The following RPS6KA5 variants were observed in gnomAD, a reference collection of about 807,000 sequenced individuals.
RPS6KA5 encodes the protein ribosomal protein S6 kinase alpha-5.
In RPS6KA5, 27 loss-of-function variants were observed where a neutral mutation model predicts 85.5. That is an observed-to-expected ratio of 0.32 (90% CI 0.23 to 0.44). The LOEUF is 0.44. RPS6KA5 is among the 20% of genes least tolerant of loss of function. The pLI, the probability that RPS6KA5 is intolerant of heterozygous loss-of-function variation, is 1.00. For missense variants in RPS6KA5, 811 were observed against 980.9 expected (o/e 0.83, Z 2.31); for synonymous variants, 334 against 348.2 (o/e 0.96, Z 0.46).
chr14:91,046,988 A>G (rs974611645), intron 1 of RPS6KA5, among the ~76,000 whole-genome samples: 3 of 151,072 alleles, frequency 2.0e-5, no homozygotes, highest in African/African-American at 7.3e-5. Flanking sequence ...TTGAGGCTGT[A>G]GTGAGCTGTG....
intron 2 of RPS6KA5, among the ~76,000 whole-genome samples, 188 bp from the exon 3 acceptor site, chr14:90,978,712 C>A (rs2039668467): frequency 6.6e-6 from 1 of 152,088 alleles, no homozygotes; most frequent in African/African-American, 2.4e-5. Context: ...CTAGGTCTAA[C>A]CCTTAATGTT....
rs575373029 is a variant in RPS6KA5, at chr14:90,871,219, C to A, written c.*855G>T. The A allele has an allele frequency of 2.0e-5, 3 of 152,432 alleles. No individual in the cohort carries two copies. Among genetic ancestry groups the A allele is most frequent in the African/African-American group, 7.2e-5 (3 of 41,384 alleles). The allele number at this position is 152,432 out of a possible 1,614,324, so 9.4% of individuals were successfully genotyped here. A position where few individuals can be genotyped will look rare whatever the true frequency, so the allele number is the denominator to read the frequency against. On this transcript the variant is annotated 3_prime_UTR_variant, in exon 17 of 17. Coordinates refer to ENST00000614987, the MANE Select transcript of RPS6KA5 (RefSeq NM_004755.4). The stretch of plus-strand genomic sequence containing the variant: ...ACAAAGTAGAAGAGGAATGTGAGGA[C>A]AAATTTAAAGTAGAAAATGAAAATA...
rs772187708 is a variant in RPS6KA5, at chr14:90,923,151, G to A, written c.664C>T (p.Pro222Ser). 1 of 1,613,048 alleles carries A rather than the reference G, an allele frequency of 6.2e-7. No homozygotes were observed. The highest frequency in any genetic ancestry group is 8.5e-7 in the Non-Finnish European group (1 of 1,179,430). ...GAATCTCCCCCTCTGACAATATCTG[G>A]TGCCATGTATTCAATAGTTCCACAA... is the stretch of plus-strand genomic sequence containing the variant. The part of the protein sequence containing the change: ...SFCGTIEYMA[P>S]DIVRGGDSGH... Residue 222 changes from proline to serine, a missense_variant, in exon 6 of 17, where the codon CCA (proline) becomes TCA (serine). Pro to Ser is a moderately conservative substitution (Grantham distance 74). Around this residue, in one of 3 missense-constraint regions of RPS6KA5, gnomAD observed 650 missense variants for 793.4 expected, o/e 0.82. Transcript: ENST00000614987.
chr14:90,882,670 C>T (rs1335847145), intron 14 of RPS6KA5, among the ~76,000 whole-genome samples: 1 of 152,000 alleles, frequency 6.6e-6, no homozygotes, highest in African/African-American at 2.4e-5. Context: ...TCTTGGTTGA[C>T]AGTTTTTTTT....
At chr14:91,049,046 C>T (rs1336314937) in intron 1 of RPS6KA5, among the ~76,000 whole-genome samples, 1 of 152,146 alleles carries the variant, frequency 6.6e-6, no homozygotes, top group East Asian at 1.9e-4. Flanking sequence ...AGGCTTTTCC[C>T]CGCTACAGAC....
chr14:91,034,624 G>A (rs562856010), intron 1 of RPS6KA5, among the ~76,000 whole-genome samples: 47 of 152,254 alleles, frequency 3.1e-4, no homozygotes, highest in Middle Eastern at 3.4e-3. Flanking sequence ...CAACAAATAA[G>A]GGAATAAAAG....
intron 4 of RPS6KA5, 129 bp from the exon 5 acceptor site, chr14:90,943,314 G>A: frequency 1.7e-6 from 1 of 579,266 alleles, no homozygotes. Flanking sequence ...TCCTGTAATG[G>A]CTCTTGGTGA....
intron 1 of RPS6KA5, among the ~76,000 whole-genome samples, chr14:91,058,916 TAAC>T (rs776387146): frequency 8.5e-5 from 13 of 152,160 alleles, no homozygotes; most frequent in Non-Finnish European, 1.6e-4. Flanking sequence ...TCAGTAGAAA[TAAC>T]AAAAACTGAA....
chr14:91,028,872 CA>C (rs1468091440), intron 1 of RPS6KA5, among the ~76,000 whole-genome samples: 1 of 152,146 alleles, frequency 6.6e-6, no homozygotes, highest in Admixed American at 6.5e-5. Flanking sequence ...ACTTTATATA[CA>C]TAGAGGTATT....
chr14:90,952,661 C>T (rs941503694), intron 3 of RPS6KA5, among the ~76,000 whole-genome samples: 5 of 152,204 alleles, frequency 3.3e-5, no homozygotes, highest in Admixed American at 6.5e-5. Context: ...GCTTGGGGAT[C>T]GGCTAATGAG....
rs1423130226 is a variant in RPS6KA5 at position 90,863,778 on chromosome 14, G to A, written c.*8296C>T. ...GAGGGATATACCATGTCCATGCATT[G>A]GAAAACTCAAAATTGGTAAGATATA... On this transcript the variant is annotated 3_prime_UTR_variant, in exon 17 of 17. Transcript: ENST00000614987. 6.6e-6 allele frequency: 1 copy of A among 152,084 alleles called. No individual in the cohort carries two copies. The highest frequency in any genetic ancestry group is 1.9e-4 in the East Asian group (1 of 5,200). 9.4% of individuals were successfully genotyped at this position (152,084 alleles called of 1,614,324 possible). A position where few individuals can be genotyped will look rare whatever the true frequency, so the allele number is the denominator to read the frequency against.
At chr14:90,945,272 A>G (rs2037815881) in intron 4 of RPS6KA5, among the ~76,000 whole-genome samples, 1 of 152,176 alleles carries the variant, frequency 6.6e-6, no homozygotes, top group African/African-American at 2.4e-5. Context: ...AACAGAACAC[A>G]AAAGTACTAG....
chr14:91,017,582 C>A (rs1442787795), intron 1 of RPS6KA5, among the ~76,000 whole-genome samples: 1 of 152,098 alleles, frequency 6.6e-6, no homozygotes, highest in Non-Finnish European at 1.5e-5. Flanking sequence ...AGGGCTGGGG[C>A]AAGGTTCTCC....
At chr14:90,989,281 A>G (rs775021187) in intron 2 of RPS6KA5, among the ~76,000 whole-genome samples, 11 of 152,262 alleles carry the variant, frequency 7.2e-5, no homozygotes, top group African/African-American at 1.2e-4. Flanking sequence ...AAGAAACTCA[A>G]GTAAACAACA....
chr14:91,043,463 G>A (rs1049327812), intron 1 of RPS6KA5, among the ~76,000 whole-genome samples: 4 of 152,108 alleles, frequency 2.6e-5, no homozygotes, highest in Non-Finnish European at 4.4e-5. Flanking sequence ...AACTGCTTCA[G>A]TTTCACAACC....
At chr14:91,007,507 T>C (rs2041071140) in intron 1 of RPS6KA5, among the ~76,000 whole-genome samples, 1 of 152,202 alleles carries the variant, frequency 6.6e-6, no homozygotes, top group South Asian at 2.1e-4. Context: ...TCAAAAGCTC[T>C]TAGAATTTTT....
At chr14:90,902,740 T>G (rs1255009118) in intron 9 of RPS6KA5, 68 bp downstream of exon 9, 1 of 1,432,434 alleles carries the variant, frequency 7.0e-7, no homozygotes, top group African/African-American at 1.4e-5. Flanking sequence ...TACTTCAATA[T>G]GGGAAATTTA....
intron 2 of RPS6KA5, among the ~76,000 whole-genome samples, chr14:90,987,258 T>G (rs989144675): frequency 3.9e-5 from 6 of 152,224 alleles, no homozygotes; most frequent in African/African-American, 9.6e-5. Context: ...ATACGGATAC[T>G]TTCCAAACAC....
At chr14:90,916,140 T>A (rs1384062539) in intron 7 of RPS6KA5, among the ~76,000 whole-genome samples, 1 of 152,036 alleles carries the variant, frequency 6.6e-6, no homozygotes. Context: ...AATGAGAAAA[T>A]AATAATTTCA....
Sources: gnomAD v4.1 joint callset for allele counts (sites outside exome capture counted in the v4.1 genomes callset) on GRCh38, gnomAD v4.1.1 for gene constraint, gnomAD v4.1.1 regional missense constraint, MANE v1.5 for transcripts, NCBI Gene and HGNC (gene_info 2026-07-23, HGNC 2026-07-21) for gene names.